The following AUTS2 variants were observed in gnomAD, a reference collection of about 807,000 sequenced individuals.
AUTS2 encodes autism susceptibility gene 2 protein.
In AUTS2, 17 loss-of-function variants were observed where a neutral mutation model predicts 112.4. The ratio of observed to expected loss-of-function variants is 0.15; its 90% CI spans 0.10 to 0.23. The LOEUF (loss-of-function observed/expected upper bound fraction) is 0.23, where lower values mean the gene tolerates loss of function less well. Ranked by LOEUF, AUTS2 falls within the 10% of genes least tolerant of loss-of-function variation. The pLI is 1.00. For synonymous variants in AUTS2, 751 were observed against 702.7 expected (o/e 1.07, Z -1.09); for missense variants, 1,510 against 1,701.6 (o/e 0.89, Z 1.98).
At chr7:70,630,929 C>T (rs768658143) in intron 5 of AUTS2, among the ~76,000 whole-genome samples, 6 of 152,104 alleles carry the variant, frequency 3.9e-5, no homozygotes, top group Non-Finnish European at 8.8e-5. Flanking sequence ...GACTTAATGG[C>T]GCAATTAATT....
chr7:70,242,743 A>G (rs997134062), intron 4 of AUTS2, among the ~76,000 whole-genome samples: 3 of 152,182 alleles, frequency 2.0e-5, no homozygotes, highest in African/African-American at 2.4e-5. Flanking sequence ...ACGTGCGCAC[A>G]TGTGAGTGTA....
chr7:69,629,061 A>G (rs1794102147), intron 1 of AUTS2, among the ~76,000 whole-genome samples: 1 of 152,180 alleles, frequency 6.6e-6, no homozygotes, highest in Non-Finnish European at 1.5e-5. Context: ...ATCGTTTATG[A>G]GAAGTTGGTG....
At chr7:69,804,775 T>A (rs752288211) in intron 1 of AUTS2, among the ~76,000 whole-genome samples, 5 of 152,240 alleles carry the variant, frequency 3.3e-5, no homozygotes, top group Non-Finnish European at 7.3e-5. Flanking sequence ...TTTACCAGAA[T>A]AGTGGTTATC....
chr7:69,931,317 G>A (rs1236161272), intron 2 of AUTS2, among the ~76,000 whole-genome samples: 1 of 152,122 alleles, frequency 6.6e-6, no homozygotes, highest in African/African-American at 2.4e-5. Flanking sequence ...GCATTGTTAA[G>A]GCTTTGCATA....
chr7:69,993,918 C>T (rs913541258), intron 2 of AUTS2, among the ~76,000 whole-genome samples: 2 of 152,056 alleles, frequency 1.3e-5, no homozygotes, highest in African/African-American at 2.4e-5. Flanking sequence ...AAACTTGGGA[C>T]GTCAACTTAC....
intron 2 of AUTS2, among the ~76,000 whole-genome samples, chr7:69,980,953 T>C (rs1406871105): frequency 6.6e-6 from 1 of 152,222 alleles, no homozygotes; most frequent in Non-Finnish European, 1.5e-5. Context: ...TTATTAAAAA[T>C]GGTATAACAA....
intron 4 of AUTS2, among the ~76,000 whole-genome samples, chr7:70,423,703 G>A (rs917509088): frequency 6.6e-6 from 1 of 151,998 alleles, no homozygotes; most frequent in African/African-American, 2.4e-5. Context: ...TTCCTTTTTG[G>A]TTTTTTATCA....
At chr7:70,619,638 G>C (rs1020130416) in intron 5 of AUTS2, among the ~76,000 whole-genome samples, 2 of 151,862 alleles carry the variant, frequency 1.3e-5, no homozygotes, top group Non-Finnish European at 2.9e-5. Flanking sequence ...TTTTCAAGAG[G>C]TGTTGTCGGG....
At chr7:70,542,492 G>A (rs1170213511) in intron 5 of AUTS2, among the ~76,000 whole-genome samples, 2 of 152,204 alleles carry the variant, frequency 1.3e-5, no homozygotes, top group African/African-American at 4.8e-5. Flanking sequence ...GAGGCAGCAA[G>A]CAAGGCTAGC....
At chr7:69,915,315 A>G (rs1175981141) in intron 2 of AUTS2, among the ~76,000 whole-genome samples, 1 of 152,216 alleles carries the variant, frequency 6.6e-6, no homozygotes, top group African/African-American at 2.4e-5. Flanking sequence ...AAGCATCGGC[A>G]AATGTTGGAA....
intron 1 of AUTS2, among the ~76,000 whole-genome samples, chr7:69,734,509 A>G (rs1299692613): frequency 1.3e-5 from 2 of 151,916 alleles, no homozygotes; most frequent in African/African-American, 4.8e-5. Context: ...GAAGGGCTAG[A>G]TAGATAGTAT....
rs189483405 is a variant in AUTS2, at chr7:70,272,552, T to C, written c.660+137981T>C. On this transcript the variant is annotated intron_variant, in intron 4 of 18. Coordinates refer to ENST00000342771, the MANE Select transcript of AUTS2 (RefSeq NM_015570.4). ...TGTGTACCACTAACCTATTACTGTTTAGTCTCTTAGACTTTAAAAATGCCT... is the reference window on the plus strand; with the variant it reads ...TGTGTACCACTAACCTATTACTGTTCAGTCTCTTAGACTTTAAAAATGCCT... 3.6e-4 allele frequency among the ~76,000 whole-genome samples: 55 copies of C among 152,316 alleles called. No individual in the cohort carries two copies. In the East Asian group the frequency reaches 5.6e-3, roughly 16 times the overall value.
At chr7:70,321,633 A>G (rs1290974390) in intron 4 of AUTS2, among the ~76,000 whole-genome samples, 1 of 152,186 alleles carries the variant, frequency 6.6e-6, no homozygotes, top group Non-Finnish European at 1.5e-5. Flanking sequence ...TTCTAACCAC[A>G]GTGACTAAGT....
At chr7:70,679,439 A>G (rs566573644) in intron 5 of AUTS2, among the ~76,000 whole-genome samples, 2 of 152,196 alleles carry the variant, frequency 1.3e-5, no homozygotes, top group Non-Finnish European at 2.9e-5. Flanking sequence ...CCTGGATCCC[A>G]CAGCCCTTAA....
Position 69,968,432 on chromosome 7 carries a change from T to A in AUTS2, c.522+68934T>A, listed in dbSNP as rs1475448869. ...CTGGACTTTTAGGGGAAAAGTGTAC[T>A]TTCTAATACATCTTCACTTACCGGG... On this transcript the variant is annotated intron_variant, in intron 2 of 18. Coordinates refer to ENST00000342771, the MANE Select transcript of AUTS2 (RefSeq NM_015570.4). Among the ~76,000 whole-genome samples, 4 of 152,236 alleles carry A rather than the reference T, an allele frequency of 2.6e-5. No homozygotes were observed. The East Asian group carries it at 7.7e-4, about 29-fold the overall frequency.
Position 69,899,290 on chromosome 7 carries a change from A to G in AUTS2, c.314A>G (p.Asp105Gly). 6.2e-7 allele frequency: 1 copy of G among 1,611,870 alleles called. No individual in the cohort carries two copies. The highest frequency in any genetic ancestry group is 8.5e-7 in the Non-Finnish European group (1 of 1,178,032). Residue 105 changes from aspartate (D) to glycine (G), a missense_variant, in exon 2 of 19, where the codon GAT becomes GGT. By Grantham distance (94) the Asp-to-Gly change is moderately conservative. This residue lies in a region of AUTS2 where 535 missense variants were observed against 594.3 expected (regional missense o/e 0.90). Transcript: ENST00000342771. ...TCCTTCTCTTCTTTTCTACAGAAAG[A>G]TGTAGCACTTAAGCCTCAGGAACGT... ...SFVTFEALEKDVALKPQERVE... is the reference protein window; with the variant it reads ...SFVTFEALEKGVALKPQERVE...
chr7:69,923,584 T>G (rs574606868), intron 2 of AUTS2, among the ~76,000 whole-genome samples: 27 of 152,342 alleles, frequency 1.8e-4, no homozygotes, highest in Middle Eastern at 3.4e-3. Context: ...TTTTCAACTC[T>G]CGAACAAGGT....
At chr7:70,042,389 C>A (rs1801287020) in intron 2 of AUTS2, among the ~76,000 whole-genome samples, 1 of 151,942 alleles carries the variant, frequency 6.6e-6, no homozygotes, top group African/African-American at 2.4e-5. Flanking sequence ...AAAACTGGAG[C>A]CAGGAGTGAT....
At chr7:70,711,164 G>A (rs1006896712) in intron 6 of AUTS2, among the ~76,000 whole-genome samples, 1 of 152,196 alleles carries the variant, frequency 6.6e-6, no homozygotes, top group African/African-American at 2.4e-5. Context: ...GCTCATGCCT[G>A]ATTTGTGCCT....
Sources: allele counts gnomAD v4.1 joint callset (sites outside exome capture counted in the v4.1 genomes callset), GRCh38; gene constraint gnomAD v4.1.1; regional missense constraint gnomAD v4.1.1; transcripts MANE v1.5; gene names NCBI Gene and HGNC (gene_info 2026-07-23, HGNC 2026-07-21).